The following CYFIP1 variants were observed in gnomAD, a reference collection of about 807,000 sequenced individuals.
CYFIP1 encodes cytoplasmic FMR1 interacting protein 1.
CYFIP1 carries 58 observed loss-of-function variants against 163.5 expected under a neutral mutation model. The ratio of observed to expected loss-of-function variants is 0.35; its 90% confidence interval spans 0.29 to 0.44. The LOEUF (loss-of-function observed/expected upper bound fraction) is 0.44. CYFIP1 is among the 20% of genes least tolerant of loss of function. CYFIP1 has a pLI of 1.00. For synonymous variants in CYFIP1, 663 were observed against 660.7 expected, an observed-to-expected ratio of 1.00 and a Z score of -0.05; for missense variants, 1,338 against 1,653.8, an observed-to-expected ratio of 0.81 and a Z score of 3.31.
Position 22,873,653 on chromosome 15 carries a change from A to G in CYFIP1, c.3287T>C (p.Ile1096Thr). ...CAGAAAGCTCCGGATCCGTGTCAGG[A>G]TGACCTCAAACATGGACAGGCCGCA... ...LCCGLSMFEV[I>T]LTRIRSFLDD... The change falls in exon 29 of 31, where the codon ATC (isoleucine) becomes ACC (threonine). Residue 1096 changes from isoleucine (I) to threonine (T), a missense_variant. Ile to Thr is a moderately conservative substitution (Grantham distance 89). Transcript: ENST00000617928. 1.2e-6 allele frequency: 2 copies of G among 1,614,242 alleles called. No homozygotes were observed. Among genetic ancestry groups the G allele is most frequent in the South Asian group, 2.2e-5 (2 of 91,082 alleles).
intron 12 of CYFIP1, among the ~76,000 whole-genome samples, chr15:22,927,483 C>CAA (rs1188331935): frequency 0.014 from 807 of 57,148 alleles, 13 homozygotes; most frequent in African/African-American, 0.03. Context: ...AACTCCGTCT[C>CAA]AAAAAAAAAA....
intron 15 of CYFIP1, chr15:22,916,963 G>A (rs963295343): frequency 4.3e-5 from 66 of 1,551,614 alleles, no homozygotes; most frequent in Non-Finnish European, 5.5e-5. Context: ...TCCATGCCCA[G>A]AGACTTGAGC....
intron 3 of CYFIP1, among the ~76,000 whole-genome samples, chr15:22,945,725 A>G (rs958841190): frequency 6.6e-6 from 1 of 150,812 alleles, no homozygotes; most frequent in African/African-American, 2.4e-5. Context: ...AGGTGTGCGC[A>G]CCACCATGCC....
intron 22 of CYFIP1, among the ~76,000 whole-genome samples, chr15:22,902,848 G>A (rs1383528904): frequency 6.6e-6 from 1 of 152,208 alleles, no homozygotes; most frequent in East Asian, 1.9e-4. Flanking sequence ...AGCCACAGCA[G>A]GCAGGACTGG....
rs548509287 is a variant in CYFIP1 at position 22,956,378 on chromosome 15, C to T, written c.-6-9087G>A. 7.3e-4 allele frequency among the ~76,000 whole-genome samples: 111 copies of T among 152,124 alleles called. 1 individual carries two copies. In the South Asian group the frequency reaches 0.023, roughly 32 times the overall value. ...GTCTTGAAAATGAAAAAAGACACTACTAGGCTGCAAAAACAAATGGAAATT... is the reference window on the plus strand; with the variant it reads ...GTCTTGAAAATGAAAAAAGACACTATTAGGCTGCAAAAACAAATGGAAATT... On this transcript the variant is annotated intron_variant, in intron 1 of 30. Coordinates refer to ENST00000617928, the MANE Select transcript of CYFIP1 (RefSeq NM_014608.6).
intron 26 of CYFIP1, among the ~76,000 whole-genome samples, chr15:22,879,068 G>A (rs1014401432): frequency 1.3e-5 from 2 of 151,816 alleles, no homozygotes; most frequent in African/African-American, 4.8e-5. Flanking sequence ...CCCGGGAGGC[G>A]GAGCTTGCAG....
At chr15:22,959,466 G>A (rs536829224) in intron 1 of CYFIP1, among the ~76,000 whole-genome samples, 1 of 152,342 alleles carries the variant, frequency 6.6e-6, no homozygotes, top group East Asian at 1.9e-4. Context: ...GAGGGACAGG[G>A]AGCTGCCGCA....
rs1431812988 is a variant in CYFIP1 at position 22,891,894 on chromosome 15, C to T, written c.2676+996G>A. Among the ~76,000 whole-genome samples, 3 of 152,242 alleles carry T rather than the reference C, an allele frequency of 2.0e-5. No individual in the cohort carries two copies. The South Asian group carries it at 6.2e-4, about 31-fold the overall frequency. Reference sequence around the variant, plus strand: ...GCGTTAGAAAGCGTCCAGGTGCAGGCAGCGTGTGAGCGGCAGGGCCTGGGC... The same window carrying T: ...GCGTTAGAAAGCGTCCAGGTGCAGGTAGCGTGTGAGCGGCAGGGCCTGGGC... On this transcript the variant is annotated intron_variant, in intron 23 of 30. Transcript: ENST00000617928.
At chr15:22,874,440 A>G (rs537851622) in intron 28 of CYFIP1, 110 bp downstream of exon 28, 41 of 720,764 alleles carry the variant, frequency 5.7e-5, no homozygotes, top group South Asian at 2.0e-4. Context: ...CTGAGCAGCC[A>G]CGCAGCCGCT....
At position 22,959,509 on chromosome 15, in the gene CYFIP1, G is replaced by A. The variant is rs115164086; in HGVS notation, c.-6-12218C>T. ...GGCTTGCCTCACGTGCCTCAGTGGCGTGGCCCGCATGGCCGGGCAGTCCCG... is the reference window on the plus strand; with the variant it reads ...GGCTTGCCTCACGTGCCTCAGTGGCATGGCCCGCATGGCCGGGCAGTCCCG... On this transcript the variant is annotated intron_variant, in intron 1 of 30. Transcript: ENST00000617928. 9.3e-3 allele frequency among the ~76,000 whole-genome samples: 1,424 copies of A among 152,326 alleles called. 17 individuals are homozygous for A. The highest frequency in any genetic ancestry group is 0.032 in the African/African-American group (1,328 of 41,570).
At position 22,872,971 on chromosome 15, in the gene CYFIP1, G is replaced by A; in HGVS notation, c.3451C>T (p.Gln1151Ter). ...CAGTGTAGCCCATCACCAAAGCACT[G>A]CCTAGGAACAAGAAGCAGAAACAGA... The part of the protein sequence containing the change: ...PVGTHEFTVE[Q>*]CFGDGLHWAG... The change falls in exon 30 of 31, where the codon CAG (glutamine) becomes TAG (stop). Residue 1151 changes from glutamine to a stop codon, truncating the protein, a stop_gained and splice_region_variant. Coordinates refer to ENST00000617928, the MANE Select transcript of CYFIP1 (RefSeq NM_014608.6). LOFTEE classifies it high-confidence loss of function. 1 of 1,613,134 alleles carries A rather than the reference G, an allele frequency of 6.2e-7. No homozygotes were observed. Among genetic ancestry groups the A allele is most frequent in the Non-Finnish European group, 8.5e-7 (1 of 1,179,660 alleles).
At chr15:22,893,066 A>G in intron 22 of CYFIP1, 89 bp from the exon 23 acceptor site, 1 of 910,910 alleles carries the variant, frequency 1.1e-6, no homozygotes, top group South Asian at 1.5e-5. Context: ...CCATCTACTA[A>G]ATCTTCCTCC....
chr15:22,872,894 C>A lies in CYFIP1; in HGVS notation c.3528G>T (p.Val1176=), dbSNP rs1322499757. 1 of 1,614,090 alleles carries A rather than the reference C, an allele frequency of 6.2e-7. No homozygotes were observed. Among genetic ancestry groups the A allele is most frequent in the Non-Finnish European group, 8.5e-7 (1 of 1,179,956 alleles). ...VLLGQQRRFA[V]LDFCYHLLKV... ...TAAGTAGATGGTAGCAGAAATCCAG[C>A]ACAGCAAAACGCCGCTGCTGCCCAA... Residue 1176 remains valine, a synonymous_variant, in exon 30 of 31, where the codon GTG becomes GTT. Coordinates refer to ENST00000617928, the MANE Select transcript of CYFIP1 (RefSeq NM_014608.6).
At chr15:22,887,160 A>C (rs2059947894) in intron 23 of CYFIP1, among the ~76,000 whole-genome samples, 1 of 152,194 alleles carries the variant, frequency 6.6e-6, no homozygotes, top group African/African-American at 2.4e-5. Flanking sequence ...TTGCTGGAAT[A>C]AACTGCAGCT....
chr15:22,970,686 T>C (rs2063063666), intron 1 of CYFIP1, among the ~76,000 whole-genome samples: 2 of 152,200 alleles, frequency 1.3e-5, no homozygotes, highest in African/African-American at 4.8e-5. Context: ...GATCATTCAA[T>C]GGAAAAAGAA....
intron 1 of CYFIP1, chr15:22,948,060 A>T: frequency 2.2e-6 from 2 of 919,024 alleles, no homozygotes; most frequent in African/African-American, 1.8e-5. Context: ...GGTGGCCTGG[A>T]GGAGACACTG....
intron 14 of CYFIP1, 61 bp downstream of exon 14, chr15:22,918,631 G>A: frequency 7.0e-7 from 1 of 1,425,350 alleles, no homozygotes; most frequent in Non-Finnish European, 9.4e-7. Flanking sequence ...CCTGTTGTTT[G>A]AATCCAAGTT....
intron 10 of CYFIP1, among the ~76,000 whole-genome samples, chr15:22,933,122 C>T (rs1423737301): frequency 1.3e-5 from 2 of 152,018 alleles, no homozygotes; most frequent in East Asian, 3.9e-4. Context: ...GCATGAGCCA[C>T]CGCGCCCCAC....
At chr15:22,890,309 CAAAA>C (rs916023349) in intron 23 of CYFIP1, among the ~76,000 whole-genome samples, 2 of 81,508 alleles carry the variant, frequency 2.5e-5, no homozygotes, top group Admixed American at 1.2e-4. Context: ...GACTCCATCT[CAAAA>C]AAAAAAAAAA....
Sources: allele counts gnomAD v4.1 joint callset (sites outside exome capture counted in the v4.1 genomes callset), GRCh38; gene constraint gnomAD v4.1.1; transcripts MANE v1.5; gene names NCBI Gene and HGNC (gene_info 2026-07-23, HGNC 2026-07-21).